Variants in LDLRAD4 observed in about 807,000 individuals in gnomAD.
LDLRAD4 encodes low density lipoprotein receptor class A domain containing 4.
LDLRAD4 carries 5 observed loss-of-function variants against 17.0 expected under a neutral mutation model. The observed-to-expected ratio is 0.29, with a 90% CI of 0.15 to 0.62. The LOEUF is 0.62. LDLRAD4 is among the 20% of genes least tolerant of loss of function. LDLRAD4 has a pLI of 0.84. For missense variants in LDLRAD4, 340 were observed against 424.7 expected (o/e 0.80, Z 1.75); for synonymous variants, 168 against 171.8 (o/e 0.98, Z 0.17).
At chr18:13,226,180 C>CTCTTTTTTTTTTTTTTTTTTT (rs71370946) in intron 1 of LDLRAD4, among the ~76,000 whole-genome samples, 12 of 52,206 alleles carry the variant, frequency 2.3e-4, no homozygotes, top group African/African-American at 9.3e-4. Flanking sequence ...CCATGCCTTG[C>CTCTTTTTTTTTTTTTTTTTTT]TTTTTTTTTT....
At chr18:13,336,730 C>G (rs1009891293) in intron 1 of LDLRAD4, among the ~76,000 whole-genome samples, 3 of 151,706 alleles carry the variant, frequency 2.0e-5, no homozygotes, top group African/African-American at 7.3e-5. Context: ...CTTTTTTTCT[C>G]ACTATTTTTT....
At chr18:13,584,644 G>T (rs1463930315) in intron 3 of LDLRAD4, among the ~76,000 whole-genome samples, 6 of 152,136 alleles carry the variant, frequency 3.9e-5, no homozygotes, top group African/African-American at 1.4e-4. Flanking sequence ...TGTTAACTGT[G>T]CACAAATAAT....
chr18:13,546,075 G>A lies in LDLRAD4; in HGVS notation c.182-75042G>A, dbSNP rs148814721. Among the ~76,000 whole-genome samples the A allele has an allele frequency of 3.1e-3, 474 of 152,280 alleles. 5 individuals are homozygous for A. Among genetic ancestry groups the A allele is most frequent in the African/African-American group, 0.011 (451 of 41,568 alleles). ...GTGAAGTGAGAGCCTGAGGCTGTTC[G>A]GGATTAGGGCAGATGGTTTAGCCCC... On this transcript the variant is annotated intron_variant, in intron 3 of 5. Transcript: ENST00000359446.
chr18:13,599,735 C>T (rs1480137030), intron 3 of LDLRAD4, among the ~76,000 whole-genome samples: 1 of 152,108 alleles, frequency 6.6e-6, no homozygotes, highest in Non-Finnish European at 1.5e-5. Flanking sequence ...TCGTGATCCG[C>T]CTGTCTTGGC....
At position 13,385,532 on chromosome 18, in the gene LDLRAD4, A is replaced by AT. The variant is rs144107972; in HGVS notation, c.-382-1808dup. 7.0e-3 allele frequency among the ~76,000 whole-genome samples: 1,064 copies of AT among 152,358 alleles called. 48 individuals carry two copies. In the East Asian group the frequency reaches 0.12, roughly 17 times the overall value. ...GAAACAAATAGACAAAATTCCCACA[A>AT]TAAAACAACAGCAAAAACCTCCCTG... is the stretch of plus-strand genomic sequence containing the variant. On this transcript the variant is annotated intron_variant, in intron 1 of 5. Coordinates refer to ENST00000359446, the Ensembl canonical transcript of LDLRAD4.
chr18:13,448,952 T>C (rs982227200), intron 3 of LDLRAD4, among the ~76,000 whole-genome samples: 2 of 152,160 alleles, frequency 1.3e-5, no homozygotes, highest in African/African-American at 4.8e-5. Flanking sequence ...AGCTTTAACA[T>C]GGGAAAGAAA....
intron 1 of LDLRAD4, among the ~76,000 whole-genome samples, chr18:13,221,273 C>T (rs2041438424): frequency 6.6e-6 from 1 of 152,096 alleles, no homozygotes; most frequent in Non-Finnish European, 1.5e-5. Flanking sequence ...CTATGTAGTC[C>T]AAAATTATTC....
chr18:13,386,701 G>A (rs146704416), intron 1 of LDLRAD4, among the ~76,000 whole-genome samples: 3 of 152,166 alleles, frequency 2.0e-5, no homozygotes, highest in Admixed American at 1.3e-4. Flanking sequence ...GATTAAATTT[G>A]CTTTTCCTTC....
intron 3 of LDLRAD4, among the ~76,000 whole-genome samples, chr18:13,530,794 G>A (rs964180310): frequency 3.3e-5 from 5 of 151,130 alleles, no homozygotes; most frequent in African/African-American, 7.3e-5. Flanking sequence ...GCCTGCCCTC[G>A]AGCCAGGAGG....
chr18:13,528,001 G>T (rs1048700027), intron 3 of LDLRAD4, among the ~76,000 whole-genome samples: 1 of 152,194 alleles, frequency 6.6e-6, no homozygotes, highest in African/African-American at 2.4e-5. Flanking sequence ...CATGTAGGAG[G>T]CTGGGACACT....
At chr18:13,464,186 A>G (rs1194238204) in intron 3 of LDLRAD4, among the ~76,000 whole-genome samples, 1 of 152,228 alleles carries the variant, frequency 6.6e-6, no homozygotes, top group Non-Finnish European at 1.5e-5. Context: ...ATCTCTGCAT[A>G]AACACAACTG....
chr18:13,416,389 T>C (rs2088893822), intron 2 of LDLRAD4, among the ~76,000 whole-genome samples: 2 of 152,344 alleles, frequency 1.3e-5, no homozygotes, highest in African/African-American at 4.8e-5. Flanking sequence ...AGTTTCCTTT[T>C]CCAACAATAA....
intron 3 of LDLRAD4, chr18:13,488,346 G>A (rs1219617996): frequency 1.3e-5 from 2 of 152,318 alleles, no homozygotes; most frequent in African/African-American, 4.8e-5. Flanking sequence ...TTGGAGAGGA[G>A]AGAGCAAGAT....
chr18:13,351,962 T>C (rs151034731), intron 1 of LDLRAD4, among the ~76,000 whole-genome samples: 2,049 of 152,228 alleles, frequency 0.013, 29 homozygotes, highest in Middle Eastern at 0.034. Context: ...GTTCAACATA[T>C]GCAAATCAGT....
intron 3 of LDLRAD4, among the ~76,000 whole-genome samples, chr18:13,524,666 C>T (rs902037567): frequency 3.9e-5 from 6 of 152,206 alleles, no homozygotes; most frequent in Non-Finnish European, 8.8e-5. Context: ...CCTATCTTTG[C>T]TCCAAAACCT....
intron 3 of LDLRAD4, among the ~76,000 whole-genome samples, chr18:13,460,798 T>C (rs192273355): frequency 4.6e-5 from 7 of 152,296 alleles, no homozygotes; most frequent in South Asian, 2.1e-4. Context: ...TATACTATTA[T>C]AAACTTCCTA....
chr18:13,288,871 A>C (rs975795315), intron 1 of LDLRAD4, among the ~76,000 whole-genome samples: 1 of 152,220 alleles, frequency 6.6e-6, no homozygotes, highest in Non-Finnish European at 1.5e-5. Flanking sequence ...CTGTGATGAC[A>C]CCCGCAAAGC....
In LDLRAD4 at chr18:13,304,128, A is replaced by C. The variant is rs545157168; in HGVS notation, c.-383+25940A>C. Among the ~76,000 whole-genome samples the C allele has an allele frequency of 9.9e-5, 15 of 152,284 alleles. No homozygotes were observed. In the South Asian group the frequency reaches 3.1e-3, roughly 32 times the overall value. On this transcript the variant is annotated intron_variant, in intron 1 of 5. Coordinates refer to ENST00000359446, the Ensembl canonical transcript of LDLRAD4. ...CTGCTGCAGTCCTGGACTCCAGTGCACAGGCTCCCAGGCCAGGACCTGGGC... is the reference window on the plus strand; with the variant it reads ...CTGCTGCAGTCCTGGACTCCAGTGCCCAGGCTCCCAGGCCAGGACCTGGGC...
intron 4 of LDLRAD4, among the ~76,000 whole-genome samples, chr18:13,641,600 G>A (rs1418829055): frequency 6.6e-6 from 1 of 152,182 alleles, no homozygotes; most frequent in African/African-American, 2.4e-5. Context: ...GCCTGTGGCG[G>A]GCGAGGGAAA....
Sources: gnomAD v4.1 joint callset for allele counts (sites outside exome capture counted in the v4.1 genomes callset) on GRCh38, gnomAD v4.1.1 for gene constraint, MANE v1.5 for transcripts, NCBI Gene and HGNC (gene_info 2026-07-23, HGNC 2026-07-21) for gene names.